The following MYCT1 variants were observed in gnomAD, a reference collection of about 807,000 sequenced individuals.
MYCT1 encodes the protein myc target protein 1.
In MYCT1, 12 loss-of-function variants were observed where a neutral mutation model predicts 15.0. The ratio of observed to expected loss-of-function variants is 0.80; its 90% CI spans 0.51 to 1.29. The LOEUF (loss-of-function observed/expected upper bound fraction) is 1.29, where lower values mean the gene tolerates loss of function less well. Among genes scored for constraint, MYCT1 ranks in the 50% most tolerant of loss-of-function variants. The probability of loss-of-function intolerance (pLI) is 0.00; values close to 1 mark genes in which losing one functional copy is unlikely to be tolerated. For missense variants in MYCT1, 287 were observed against 279.1 expected (o/e 1.03, Z -0.20); for synonymous variants, 104 against 102.7 (o/e 1.01, Z -0.07).
At chr6:152,716,562 A>G (rs2099723722) in intron 1 of MYCT1, among the ~76,000 whole-genome samples, 1 of 152,198 alleles carries the variant, frequency 6.6e-6, no homozygotes, top group Admixed American at 6.6e-5. Context: ...GGTATTGATT[A>G]TATTTACTAA....
At chr6:152,698,240 A>T in intron 1 of MYCT1, 142 bp downstream of exon 1, 1 of 383,818 alleles carries the variant, frequency 2.6e-6, no homozygotes, top group East Asian at 4.2e-5. Flanking sequence ...TATTAACAGA[A>T]ATCTATTTCA....
chr6:152,734,982 C>G, the MYCT1 span, among the ~76,000 whole-genome samples: 2 of 152,076 alleles, frequency 1.3e-5, no homozygotes, highest in East Asian at 3.9e-4. Flanking sequence ...ATGCCAGATC[C>G]CTAATCTACA....
intron 1 of MYCT1, among the ~76,000 whole-genome samples, chr6:152,714,287 C>T (rs2099723246): frequency 6.9e-6 from 1 of 145,478 alleles, no homozygotes; most frequent in African/African-American, 2.5e-5. Context: ...TTGATAATTT[C>T]CTCTATTTTT....
chr6:152,720,343 A>T (rs2129070519), intron 1 of MYCT1, among the ~76,000 whole-genome samples: 1 of 152,194 alleles, frequency 6.6e-6, no homozygotes, highest in Admixed American at 6.5e-5. Context: ...AAAGCAAGTC[A>T]TGAAGCCTGC....
chr6:152,738,215 A>C, the MYCT1 span, among the ~76,000 whole-genome samples: 2 of 152,200 alleles, frequency 1.3e-5, no homozygotes, highest in South Asian at 2.1e-4. Flanking sequence ...ACTATCATAG[A>C]CATATATTTA....
chr6:152,740,510 C>T, the MYCT1 span, among the ~76,000 whole-genome samples: 1 of 151,924 alleles, frequency 6.6e-6, no homozygotes, highest in Non-Finnish European at 1.5e-5. Flanking sequence ...AGACATTGTA[C>T]AAAAATAGAA....
rs148644261 is a variant in MYCT1, at chr6:152,721,807, G to A, written c.262G>A (p.Ala88Thr). 50 of 1,613,872 alleles carry A rather than the reference G, an allele frequency of 3.1e-5. No homozygotes were observed. The highest frequency in any genetic ancestry group is 4.2e-5 in the Non-Finnish European group (50 of 1,179,986). ...IGLVLGGFIW[A>T]VFICLSRRRR... Reference sequence around the variant, plus strand: ...GCTGGTACTTGGAGGATTTATTTGGGCTGTGTTCATTTGTCTGTCTCGAAG... The same window carrying A: ...GCTGGTACTTGGAGGATTTATTTGGACTGTGTTCATTTGTCTGTCTCGAAG... Residue 88 changes from alanine to threonine, a missense_variant, in exon 2 of 2, where the codon GCT (alanine) becomes ACT (threonine). Transcript: ENST00000367245.
intron 1 of MYCT1, chr6:152,706,192 C>T: frequency 2.3e-6 from 2 of 872,218 alleles, no homozygotes; most frequent in African/African-American, 1.6e-5. Context: ...CAGAGTTCCT[C>T]ACCAATAACT....
intron 1 of MYCT1, among the ~76,000 whole-genome samples, chr6:152,699,381 G>A (rs1024270402): frequency 6.6e-6 from 1 of 152,012 alleles, no homozygotes; most frequent in Non-Finnish European, 1.5e-5. Flanking sequence ...GAAAAGGAAG[G>A]ATATTGGTGA....
At chr6:152,732,298 A>T in the MYCT1 span, among the ~76,000 whole-genome samples, 1 of 152,226 alleles carries the variant, frequency 6.6e-6, no homozygotes, top group Non-Finnish European at 1.5e-5. Flanking sequence ...AGCTAAAATA[A>T]AAATTAAAAG....
chr6:152,744,698 A>C, the MYCT1 span, among the ~76,000 whole-genome samples: 1 of 152,132 alleles, frequency 6.6e-6, no homozygotes, highest in Non-Finnish European at 1.5e-5. Context: ...TGGTCCTTTC[A>C]TTTCCAACCA....
the MYCT1 span, among the ~76,000 whole-genome samples, chr6:152,734,384 T>G: frequency 6.6e-6 from 1 of 152,176 alleles, no homozygotes; most frequent in African/African-American, 2.4e-5. Context: ...CCCAAAAGTT[T>G]CGGAAGTGAG....
chr6:152,726,070 C>T (rs181829700), downstream of MYCT1, among the ~76,000 whole-genome samples: 6 of 151,650 alleles, frequency 4.0e-5, no homozygotes, highest in East Asian at 1.2e-3. Context: ...TACAATGTTA[C>T]AACTTGAAAT....
intron 1 of MYCT1, among the ~76,000 whole-genome samples, chr6:152,713,837 G>A (rs1236544720): frequency 6.6e-6 from 1 of 151,980 alleles, no homozygotes; most frequent in South Asian, 2.1e-4. Context: ...AACAGTGCAG[G>A]TTTTCGACTG....
intron 1 of MYCT1, chr6:152,705,698 T>C (rs2099722136): frequency 5.3e-6 from 1 of 187,648 alleles, no homozygotes; most frequent in Non-Finnish European, 1.1e-5. Context: ...TTAATGTTTA[T>C]TATTTTAATT....
the MYCT1 span, among the ~76,000 whole-genome samples, chr6:152,744,752 G>A: frequency 6.6e-5 from 10 of 152,180 alleles, no homozygotes. Context: ...AGAGGACCAG[G>A]GTGTGGACGA....
chr6:152,733,089 T>C, the MYCT1 span, among the ~76,000 whole-genome samples: 1 of 152,200 alleles, frequency 6.6e-6, no homozygotes, highest in Non-Finnish European at 1.5e-5. Context: ...TGTTTGCTTG[T>C]TCTTTTGTTT....
At chr6:152,734,065 C>A in the MYCT1 span, among the ~76,000 whole-genome samples, 1 of 151,974 alleles carries the variant, frequency 6.6e-6, no homozygotes, top group Non-Finnish European at 1.5e-5. Context: ...CAATCCTTCA[C>A]CAGAATACTG....
intron 1 of MYCT1, among the ~76,000 whole-genome samples, chr6:152,716,900 A>G (rs1234463890): frequency 6.6e-6 from 1 of 152,198 alleles, no homozygotes; most frequent in African/African-American, 2.4e-5. Context: ...AAGAAAGATT[A>G]TGGCTCATTT....
Sources: gnomAD v4.1 joint callset for allele counts (sites outside exome capture counted in the v4.1 genomes callset) on GRCh38, gnomAD v4.1.1 for gene constraint, MANE v1.5 for transcripts, NCBI Gene and HGNC (gene_info 2026-07-23, HGNC 2026-07-21) for gene names.